The following WDFY3 variants were observed in gnomAD, a reference collection of about 807,000 sequenced individuals.
WDFY3 encodes WD repeat and FYVE domain containing 3.
In WDFY3, 66 loss-of-function variants were observed where a neutral mutation model predicts 409.6. The observed-to-expected ratio is 0.16, with a 90% confidence interval of 0.13 to 0.20. The LOEUF (loss-of-function observed/expected upper bound fraction) is 0.20, where lower values mean the gene tolerates loss of function less well. Ranked by LOEUF, WDFY3 falls within the 10% of genes least tolerant of loss-of-function variation. The probability of loss-of-function intolerance (pLI) is 1.00; values close to 1 mark genes in which losing one functional copy is unlikely to be tolerated. For synonymous variants in WDFY3, 1,521 were observed against 1,537.1 expected, an observed-to-expected ratio of 0.99 and a Z score of 0.25; for missense variants, 3,031 against 4,298.1, an observed-to-expected ratio of 0.71 and a Z score of 8.24.
chr4:84,675,522 A>G (rs1008323340), intron 67 of WDFY3, among the ~76,000 whole-genome samples: 1 of 152,200 alleles, frequency 6.6e-6, no homozygotes, highest in African/African-American at 2.4e-5. Flanking sequence ...TGGTCTTCTT[A>G]CCCACATTTA....
intron 49 of WDFY3, among the ~76,000 whole-genome samples, chr4:84,715,698 C>T (rs2149040977): frequency 6.7e-6 from 1 of 150,148 alleles, no homozygotes; most frequent in East Asian, 2.0e-4. Flanking sequence ...TGGCATGATC[C>T]CAGGAGGCAG....
At chr4:84,928,831 G>C (rs561619923) in intron 2 of WDFY3, among the ~76,000 whole-genome samples, 1 of 152,066 alleles carries the variant, frequency 6.6e-6, no homozygotes, top group Non-Finnish European at 1.5e-5. Context: ...ATAACGTAGC[G>C]AAGTGAAAAG....
intron 44 of WDFY3, 112 bp downstream of exon 44, chr4:84,733,270 G>T: frequency 8.2e-7 from 1 of 1,224,138 alleles, no homozygotes; most frequent in Non-Finnish European, 1.2e-6. Context: ...AGCGTATGTT[G>T]AATTTTTAAA....
chr4:84,785,632 C>T (rs1215055350), intron 24 of WDFY3, among the ~76,000 whole-genome samples: 1 of 152,166 alleles, frequency 6.6e-6, no homozygotes, highest in Non-Finnish European at 1.5e-5. Flanking sequence ...ATGTCCTGAA[C>T]TGAATGTCAC....
At chr4:84,902,480 C>A (rs1394077055) in intron 2 of WDFY3, among the ~76,000 whole-genome samples, 3 of 152,104 alleles carry the variant, frequency 2.0e-5, no homozygotes, top group African/African-American at 7.2e-5. Context: ...TTCCATTGTG[C>A]ATAATTAACA....
In WDFY3 at chr4:84,751,486, C is replaced by T. The variant is rs1276112098; in HGVS notation, c.5970G>A (p.Leu1990=). 1.9e-6 allele frequency: 3 copies of T among 1,613,858 alleles called. No homozygotes were observed. The African/African-American group carries it at 4.0e-5, about 22-fold the overall frequency. ...AAATGCGTTTCTTTTTCTTTACCTC[C>T]AACAAAAGATCAATTAGTGGAGTTT... The part of the protein sequence containing the change: ...SKQTPLIDLL[L]EASPERSTRT... Residue 1990 remains leucine (L), a synonymous_variant, in exon 36 of 68, where the codon TTG becomes TTA. Coordinates refer to ENST00000295888, the MANE Select transcript of WDFY3 (RefSeq NM_014991.6).
rs747309453 is a variant in WDFY3 at position 84,726,855 on chromosome 4, T to C, written c.7272+6A>G. 38 of 1,596,040 alleles carry C rather than the reference T, an allele frequency of 2.4e-5. No individual in the cohort carries two copies. The highest frequency in any genetic ancestry group is 7.3e-5 in the Admixed American group (4 of 55,152). ...TTACATTCTTTTACTGTAATTTGTG[T>C]TTTACCTTTTGAGGAATATCATCGG... On this transcript the variant is annotated splice_donor_region_variant and intron_variant, in intron 45 of 67. Transcript: ENST00000295888.
intron 36 of WDFY3, among the ~76,000 whole-genome samples, chr4:84,745,529 C>T (rs1739282588): frequency 6.6e-6 from 1 of 152,070 alleles, no homozygotes; most frequent in Admixed American, 6.6e-5. Flanking sequence ...ACATTGAGAA[C>T]AAGAATACTA....
intron 1 of WDFY3, among the ~76,000 whole-genome samples, chr4:84,947,372 T>C (rs1252312902): frequency 4.7e-5 from 7 of 149,436 alleles, no homozygotes; most frequent in Admixed American, 4.7e-4. Flanking sequence ...ATTGGCCAGG[T>C]GTGGTGGCAC....
chr4:84,724,409 C>A lies in WDFY3; in HGVS notation c.7441+17G>T. On this transcript the variant is annotated intron_variant, in intron 46 of 67. Transcript: ENST00000295888. ...TTCCAAAATCACTTTTAATCAAAATCAAAAAGGCAGGCTGACCTTTGACTT... is the reference window on the plus strand; with the variant it reads ...TTCCAAAATCACTTTTAATCAAAATAAAAAAGGCAGGCTGACCTTTGACTT... 6.3e-7 allele frequency: 1 copy of A among 1,583,014 alleles called. No homozygotes were observed. Among genetic ancestry groups the A allele is most frequent in the African/African-American group, 1.4e-5 (1 of 73,690 alleles).
At chr4:84,753,035 T>C (rs927615002) in intron 35 of WDFY3, among the ~76,000 whole-genome samples, 1 of 152,210 alleles carries the variant, frequency 6.6e-6, no homozygotes, top group East Asian at 1.9e-4. Context: ...TCTAAAGTTA[T>C]GAAACTATCC....
intron 66 of WDFY3, 31 bp downstream of exon 66, chr4:84,678,137 G>A (rs1477905120): frequency 3.2e-6 from 5 of 1,558,870 alleles, no homozygotes; most frequent in Non-Finnish European, 3.5e-6. Flanking sequence ...ACTCAGATGG[G>A]AAGCGGAGCT....
intron 2 of WDFY3, among the ~76,000 whole-genome samples, chr4:84,921,679 A>C: frequency 1.2e-5 from 1 of 85,008 alleles, no homozygotes; most frequent in African/African-American, 5.1e-5. Context: ...TTTTTTTGAG[A>C]CGGAGTCTCA....
At position 84,776,117 on chromosome 4, in the gene WDFY3, A is replaced by G. The variant is rs566073394; in HGVS notation, c.4519-979T>C. Reference sequence around the variant, plus strand: ...ATTTAAAGCAAAAATAATACAAACTATCGTAGGGATTATAAACATATAGAA... The same window carrying G: ...ATTTAAAGCAAAAATAATACAAACTGTCGTAGGGATTATAAACATATAGAA... On this transcript the variant is annotated intron_variant, in intron 27 of 67. Coordinates refer to ENST00000295888, the MANE Select transcript of WDFY3 (RefSeq NM_014991.6). 2.6e-5 allele frequency among the ~76,000 whole-genome samples: 4 copies of G among 152,182 alleles called. No individual in the cohort carries two copies. The East Asian group carries it at 7.7e-4, about 29-fold the overall frequency.
chr4:84,854,696 G>A (rs1759504626), intron 4 of WDFY3, among the ~76,000 whole-genome samples: 1 of 152,172 alleles, frequency 6.6e-6, no homozygotes, highest in Non-Finnish European at 1.5e-5. Flanking sequence ...GATCACCTGA[G>A]GTCAGGCGTT....
chr4:84,803,638 A>G (rs1560802095), intron 15 of WDFY3, among the ~76,000 whole-genome samples, 171 bp from the exon 16 acceptor site: 1 of 152,074 alleles, frequency 6.6e-6, no homozygotes, highest in South Asian at 2.1e-4. Flanking sequence ...GTGTGTCCGC[A>G]TGTGTGTGGG....
chr4:84,824,103 C>A (rs1754489728), intron 10 of WDFY3, among the ~76,000 whole-genome samples: 1 of 152,130 alleles, frequency 6.6e-6, no homozygotes, highest in Non-Finnish European at 1.5e-5. Context: ...ACTTCTGATA[C>A]ATGCAATAAC....
At chr4:84,730,587 A>C (rs72613141) in intron 44 of WDFY3, among the ~76,000 whole-genome samples, 7 of 152,098 alleles carry the variant, frequency 4.6e-5, no homozygotes, top group African/African-American at 9.7e-5. Context: ...TCAGTTTCTC[A>C]TCTGTAAAAC....
chr4:84,797,917 A>C, intron 18 of WDFY3, 79 bp downstream of exon 18: 2 of 1,335,064 alleles, frequency 1.5e-6, no homozygotes, highest in Non-Finnish European at 2.1e-6. Context: ...TTGCTTTCAC[A>C]AACTTCTTGA....
Sources: gnomAD v4.1 joint callset for allele counts (sites outside exome capture counted in the v4.1 genomes callset) on GRCh38, gnomAD v4.1.1 for gene constraint, MANE v1.5 for transcripts, NCBI Gene and HGNC (gene_info 2026-07-23, HGNC 2026-07-21) for gene names.